The following TNIK variants were observed in gnomAD, a reference collection of about 807,000 sequenced individuals.
The protein encoded by TNIK is TRAF2 and NCK-interacting protein kinase.
TNIK carries 49 observed loss-of-function variants against 191.3 expected under a neutral mutation model. The observed-to-expected ratio is 0.26, with a 90% confidence interval of 0.20 to 0.32. The LOEUF (loss-of-function observed/expected upper bound fraction) is 0.32. Among genes scored for constraint, TNIK ranks in the 10% least tolerant of loss-of-function variants. The pLI is 1.00. For synonymous variants in TNIK, 594 were observed against 600.9 expected (o/e 0.99, Z 0.17); for missense variants, 1,155 against 1,702.3 (o/e 0.68, Z 5.66).
chr3:171,434,897 T>C (rs1310730836), intron 1 of TNIK, among the ~76,000 whole-genome samples: 1 of 152,286 alleles, frequency 6.6e-6, no homozygotes, highest in Non-Finnish European at 1.5e-5. Flanking sequence ...AAAAAGAACA[T>C]GCATTAATTA....
chr3:171,196,875 C>A (rs140070238), intron 4 of TNIK, among the ~76,000 whole-genome samples: 1 of 151,996 alleles, frequency 6.6e-6, no homozygotes, highest in Non-Finnish European at 1.5e-5. Flanking sequence ...CTGCCTCAGC[C>A]TCTCGAGTAG....
At chr3:171,164,036 C>T (rs999150532) in intron 10 of TNIK, among the ~76,000 whole-genome samples, 2 of 152,210 alleles carry the variant, frequency 1.3e-5, no homozygotes, top group Non-Finnish European at 2.9e-5. Context: ...GGAATTAGAT[C>T]TCATTTGATC....
intron 12 of TNIK, among the ~76,000 whole-genome samples, chr3:171,152,753 A>G (rs1409569015): frequency 6.9e-6 from 1 of 145,506 alleles, no homozygotes; most frequent in East Asian, 2.0e-4. Flanking sequence ...CACAAAAACT[A>G]TGTGTTTTGT....
rs751494291 is a variant in TNIK at position 171,108,104 on chromosome 3, T to C, written c.2343A>G (p.Pro781=). 49 of 1,577,514 alleles carry C rather than the reference T, an allele frequency of 3.1e-5. No individual in the cohort carries two copies. Among genetic ancestry groups the C allele is most frequent in the Non-Finnish European group, 4.0e-5 (47 of 1,160,600 alleles). Residue 781 remains proline (P), a synonymous_variant, in exon 20 of 33, where the codon CCA becomes CCG. Transcript: ENST00000436636. ...GCCGGGTAATGTCCCTGGATTCTTC[T>C]GGTTTCACCTTCGCAGGCTCATGGG... ...VLPHEPAKVK[P]EESRDITRPS...
intron 4 of TNIK, among the ~76,000 whole-genome samples, chr3:171,197,365 A>G (rs1399719159): frequency 6.6e-6 from 1 of 152,154 alleles, no homozygotes; most frequent in Admixed American, 6.5e-5. Flanking sequence ...AGATATGACA[A>G]CAAATGCACA....
chr3:171,077,082 T>C (rs56283701), intron 28 of TNIK, among the ~76,000 whole-genome samples: 4,471 of 119,262 alleles, frequency 0.037, 168 homozygotes, highest in African/African-American at 0.1. Context: ...CCCCCCCCCC[T>C]TTTTTTTTAT....
chr3:171,117,050 T>C (rs1726825826), intron 18 of TNIK, among the ~76,000 whole-genome samples: 1 of 152,212 alleles, frequency 6.6e-6, no homozygotes, highest in South Asian at 2.1e-4. Flanking sequence ...ATAAAAAGCA[T>C]GTGATGACAC....
At chr3:171,104,214 G>A (rs1724246563) in intron 21 of TNIK, among the ~76,000 whole-genome samples, 2 of 152,098 alleles carry the variant, frequency 1.3e-5, no homozygotes, top group Admixed American at 1.3e-4. Context: ...TATGTGTTTA[G>A]CTGAAGTTTT....
intron 7 of TNIK, among the ~76,000 whole-genome samples, 179 bp from the exon 8 acceptor site, chr3:171,177,559 T>C (rs1171668480): frequency 6.6e-6 from 1 of 152,240 alleles, no homozygotes; most frequent in Non-Finnish European, 1.5e-5. Context: ...GTACCACTCA[T>C]GGTGTCTGGC....
chr3:171,339,454 C>CAAAAA (rs755136101), intron 2 of TNIK, among the ~76,000 whole-genome samples: 4 of 152,204 alleles, frequency 2.6e-5, no homozygotes, highest in Non-Finnish European at 5.9e-5. Context: ...ACCAGAATGC[C>CAAAAA]ACTTCGCTTT....
chr3:171,246,976 A>G (rs1243061394), intron 2 of TNIK, among the ~76,000 whole-genome samples: 2 of 152,258 alleles, frequency 1.3e-5, no homozygotes, highest in African/African-American at 2.4e-5. Context: ...ATTTCAAGCA[A>G]CAAGTAAAGG....
At chr3:171,356,185 G>A (rs1420190945) in intron 2 of TNIK, among the ~76,000 whole-genome samples, 2 of 150,504 alleles carry the variant, frequency 1.3e-5, no homozygotes, top group African/African-American at 2.4e-5. Flanking sequence ...TTTCTGGGGG[G>A]AAAAAAAAAT....
intron 24 of TNIK, 42 bp downstream of exon 24, chr3:171,087,300 A>T: frequency 6.2e-7 from 1 of 1,610,198 alleles, no homozygotes; most frequent in South Asian, 1.1e-5. Context: ...AACCCCAGGA[A>T]GGACAGCAGA....
chr3:171,298,710 C>T (rs995779019), intron 2 of TNIK, among the ~76,000 whole-genome samples: 1 of 152,160 alleles, frequency 6.6e-6, no homozygotes, highest in African/African-American at 2.4e-5. Flanking sequence ...CCAACTCTTG[C>T]TGGATATGTA....
chr3:171,191,502 T>G (rs554218770), intron 5 of TNIK, among the ~76,000 whole-genome samples: 2 of 152,316 alleles, frequency 1.3e-5, no homozygotes, highest in Non-Finnish European at 2.9e-5. Flanking sequence ...CCTCCCAAAG[T>G]GCTGGGAATC....
intron 10 of TNIK, 38 bp downstream of exon 10, chr3:171,167,057 T>G: frequency 6.3e-7 from 1 of 1,593,988 alleles, no homozygotes. Context: ...TCACTCCATC[T>G]TTTGTTTCTG....
rs1425886032 is a variant in TNIK, at chr3:171,084,175, A to G, written c.3149T>C (p.Ile1050Thr). Reference sequence around the variant, plus strand: ...CATACCCCACAGAGCTGCACAAAGTATTTCTGAGTTGAATCGTTTCTTGTA... The same window carrying G: ...CATACCCCACAGAGCTGCACAAAGTGTTTCTGAGTTGAATCGTTTCTTGTA... ...RKYKKRFNSE[I>T]LCAALWGVNL... The change falls in exon 26 of 33, where the codon ATA becomes ACA. Residue 1050 changes from isoleucine to threonine, a missense_variant. This residue lies in a region of TNIK where 195 missense variants were observed against 415.4 expected (regional missense o/e 0.47). Coordinates refer to ENST00000436636, the MANE Select transcript of TNIK (RefSeq NM_015028.4). 3.1e-6 allele frequency: 5 copies of G among 1,611,760 alleles called. No homozygotes were observed. The East Asian group carries it at 1.1e-4, about 36-fold the overall frequency.
intron 18 of TNIK, among the ~76,000 whole-genome samples, chr3:171,117,012 C>T (rs913617090): frequency 6.6e-6 from 1 of 152,154 alleles, no homozygotes; most frequent in African/African-American, 2.4e-5. Context: ...TGCTATCTCC[C>T]AGACTTTAGC....
chr3:171,071,791 T>G (rs1719214759), intron 28 of TNIK, among the ~76,000 whole-genome samples: 1 of 152,178 alleles, frequency 6.6e-6, no homozygotes, highest in Non-Finnish European at 1.5e-5. Context: ...AATTACCAAG[T>G]GAAATAATTG....
Sources: gnomAD v4.1 joint callset for allele counts (sites outside exome capture counted in the v4.1 genomes callset) on GRCh38, gnomAD v4.1.1 for gene constraint, gnomAD v4.1.1 regional missense constraint, MANE v1.5 for transcripts, NCBI Gene and HGNC (gene_info 2026-07-23, HGNC 2026-07-21) for gene names.